Variants in TNRC6B observed in about 807,000 individuals in gnomAD.
The protein encoded by TNRC6B is trinucleotide repeat-containing gene 6B protein.
Under a neutral mutation model 203.6 loss-of-function variants are expected in TNRC6B, and 52 were observed. The observed-to-expected ratio is 0.26, with a 90% CI of 0.20 to 0.32. TNRC6B has a LOEUF of 0.32. TNRC6B is among the 10% of genes least tolerant of loss of function. TNRC6B has a pLI of 1.00. For missense variants in TNRC6B, 1,923 were observed against 2,286.2 expected (o/e 0.84, Z 3.24); for synonymous variants, 838 against 845.7 (o/e 0.99, Z 0.16).
chr22:40,137,303 C>G (rs1187620130), intron 3 of TNRC6B, among the ~76,000 whole-genome samples: 1 of 152,154 alleles, frequency 6.6e-6, no homozygotes, highest in Middle Eastern at 3.2e-3. Context: ...AGTGCTTTCC[C>G]CATTTGTTTA....
intron 6 of TNRC6B, among the ~76,000 whole-genome samples, chr22:40,272,042 T>A (rs1446629886): frequency 6.6e-6 from 1 of 152,164 alleles, no homozygotes; most frequent in Non-Finnish European, 1.5e-5. Context: ...TCTAAAGGGG[T>A]CAGTGTGTTA....
intron 17 of TNRC6B, among the ~76,000 whole-genome samples, chr22:40,311,792 C>A (rs767266128): frequency 6.6e-6 from 1 of 152,252 alleles, no homozygotes; most frequent in Non-Finnish European, 1.5e-5. Context: ...ATCTGCCCGC[C>A]TCGGCCTCCC....
intron 3 of TNRC6B, among the ~76,000 whole-genome samples, chr22:40,133,496 A>G (rs1276674204): frequency 6.6e-6 from 1 of 152,160 alleles, no homozygotes; most frequent in African/African-American, 2.4e-5. Flanking sequence ...TATGATACCG[A>G]TATTAAATAT....
At chr22:40,098,980 G>A (rs1199571998) in intron 1 of TNRC6B, among the ~76,000 whole-genome samples, 1 of 151,990 alleles carries the variant, frequency 6.6e-6, no homozygotes, top group Admixed American at 6.6e-5. Context: ...GACCAGGCAC[G>A]GTGGCTCGCA....
At chr22:40,206,667 G>T (rs2069482324) in intron 1 of TNRC6B, among the ~76,000 whole-genome samples, 1 of 152,196 alleles carries the variant, frequency 6.6e-6, no homozygotes, top group African/African-American at 2.4e-5. Context: ...TTGCCGTAAA[G>T]CTGTAGTAAC....
intron 1 of TNRC6B, among the ~76,000 whole-genome samples, chr22:40,076,093 C>T (rs756832972): frequency 6.6e-6 from 1 of 152,156 alleles, no homozygotes; most frequent in Non-Finnish European, 1.5e-5. Flanking sequence ...TTTTATTTAG[C>T]CTGAAAAGCT....
At position 40,301,157 on chromosome 22, in the gene TNRC6B, G is replaced by A. The variant is rs1282937745; in HGVS notation, c.3944G>A (p.Arg1315Gln). ...VRQQQEQQLA[R>Q]MVSALQQQQQ... ...GTCTCTCTTGGCCCTCAGCTGGCTC[G>A]AATGGTGAGTGCACTGCAGCAGCAG... The change falls in exon 15 of 23, where the codon CGA becomes CAA. Residue 1315 changes from arginine to glutamine, a missense_variant. This residue lies in a region of TNRC6B where 242 missense variants were observed against 399.5 expected (regional missense o/e 0.61). Coordinates refer to ENST00000454349, the MANE Select transcript of TNRC6B (RefSeq NM_001162501.2). The A allele has an allele frequency of 3.2e-6, 5 of 1,549,746 alleles. No homozygotes were observed. Among genetic ancestry groups the A allele is most frequent in the Non-Finnish European group, 4.4e-6 (5 of 1,147,082 alleles).
At chr22:40,258,371 G>A (rs1298943155) in intron 3 of TNRC6B, among the ~76,000 whole-genome samples, 1 of 151,976 alleles carries the variant, frequency 6.6e-6, no homozygotes, top group Admixed American at 6.6e-5. Flanking sequence ...CTTAAGTTTG[G>A]ACTTTGGGAG....
At chr22:40,237,924 G>C (rs2069970562) in intron 1 of TNRC6B, among the ~76,000 whole-genome samples, 1 of 152,000 alleles carries the variant, frequency 6.6e-6, no homozygotes, top group African/African-American at 2.4e-5. Flanking sequence ...CCTGAGGGCA[G>C]GGACCATCCT....
rs1047197004 is a variant in TNRC6B at position 40,090,404 on chromosome 22, T to G, written c.-120-26651T>G. On this transcript the variant is annotated intron_variant, in intron 1 of 23. Coordinates refer to the TNRC6B transcript ENST00000301923. ...GGGTGTGTAGTGGCATCTCATTGTT[T>G]TTTTTTTTTTTAAATTTGTAGTTCC... 1.3e-4 allele frequency among the ~76,000 whole-genome samples: 12 copies of G among 90,436 alleles called. No homozygotes were observed. The East Asian group carries it at 2.2e-3, about 17-fold the overall frequency. The allele number at this position is 90,436 out of a possible 152,430, so 59.3% of individuals were successfully genotyped here.
chr22:40,270,006 A>G (rs1569047382), intron 5 of TNRC6B, 116 bp from the exon 6 acceptor site: 5 of 1,030,754 alleles, frequency 4.9e-6, no homozygotes, highest in Non-Finnish European at 5.4e-6. Context: ...AGTTGAATCT[A>G]TTTACATTTC....
At chr22:40,184,006 C>A (rs909052857) in intron 1 of TNRC6B, among the ~76,000 whole-genome samples, 2 of 152,132 alleles carry the variant, frequency 1.3e-5, no homozygotes, top group African/African-American at 4.8e-5. Context: ...CCAGTTTTGA[C>A]TCAATGGGCA....
At chr22:40,273,642 A>C in intron 7 of TNRC6B, 42 bp downstream of exon 7, 1 of 1,513,136 alleles carries the variant, frequency 6.6e-7, no homozygotes, top group Non-Finnish European at 8.9e-7. Flanking sequence ...ATTCGCTCTG[A>C]GAAGGCAGAA....
At chr22:40,156,008 C>G in intron 3 of TNRC6B, 1 of 955,972 alleles carries the variant, frequency 1.0e-6, no homozygotes, top group Non-Finnish European at 1.6e-6. Context: ...GTTCTGTGCA[C>G]CACAGTGAAA....
intron 1 of TNRC6B, among the ~76,000 whole-genome samples, chr22:40,077,691 C>G (rs1026935116): frequency 5.3e-5 from 8 of 152,148 alleles, no homozygotes; most frequent in Admixed American, 2.6e-4. Context: ...AAATTCAGAA[C>G]ATACACATAG....
chr22:40,291,243 G>A (rs774147333), intron 12 of TNRC6B, among the ~76,000 whole-genome samples: 5 of 151,976 alleles, frequency 3.3e-5, no homozygotes, highest in Non-Finnish European at 7.4e-5. Flanking sequence ...AAAATTAGCC[G>A]GGCATGGTGG....
At chr22:40,171,291 A>G (rs2068995823) in intron 4 of TNRC6B, among the ~76,000 whole-genome samples, 1 of 150,876 alleles carries the variant, frequency 6.6e-6, no homozygotes, top group Non-Finnish European at 1.5e-5. Context: ...CCTCCCGAGT[A>G]GCTGAGACTG....
intron 12 of TNRC6B, among the ~76,000 whole-genome samples, chr22:40,293,737 G>T (rs890730790): frequency 5.9e-5 from 9 of 152,046 alleles, no homozygotes; most frequent in Non-Finnish European, 1.0e-4. Flanking sequence ...CAGCAGCAGG[G>T]TCTGGGCCTG....
intron 1 of TNRC6B, among the ~76,000 whole-genome samples, chr22:40,245,435 T>C (rs767405062): frequency 1.6e-4 from 24 of 151,412 alleles, no homozygotes; most frequent in Non-Finnish European, 3.2e-4. Context: ...GCCTTAAAAA[T>C]AGAAAATAGA....
Sources: allele counts gnomAD v4.1 joint callset (sites outside exome capture counted in the v4.1 genomes callset), GRCh38; gene constraint gnomAD v4.1.1; regional missense constraint gnomAD v4.1.1; transcripts MANE v1.5; gene names NCBI Gene and HGNC (gene_info 2026-07-23, HGNC 2026-07-21).